CACNA1B: variants seen among roughly 807,000 people sequenced by gnomAD.
CACNA1B encodes the protein calcium voltage-gated channel subunit alpha1 B, also known as voltage-dependent N-type calcium channel subunit alpha-1B.
Under a neutral mutation model 247.2 loss-of-function variants are expected in CACNA1B, and 70 were observed. The ratio of observed to expected loss-of-function variants is 0.28; its 90% CI spans 0.23 to 0.35. CACNA1B has a LOEUF of 0.35. Among genes scored for constraint, CACNA1B ranks in the 10% least tolerant of loss-of-function variants. The pLI is 1.00. For synonymous variants in CACNA1B, 1,231 were observed against 1,294.4 expected (o/e 0.95, Z 1.05); for missense variants, 2,367 against 3,197.4 (o/e 0.74, Z 6.26).
At chr9:138,077,538 ATG>A (rs2131318898) in intron 35 of CACNA1B, among the ~76,000 whole-genome samples, 1 of 152,312 alleles carries the variant, frequency 6.6e-6, no homozygotes, top group East Asian at 1.9e-4. Flanking sequence ...AGGAGGAAGA[ATG>A]TGATCTGACC....
intron 15 of CACNA1B, among the ~76,000 whole-genome samples, chr9:138,003,715 G>T (rs1958610076): frequency 6.6e-6 from 1 of 151,492 alleles, no homozygotes; most frequent in African/African-American, 2.4e-5. Flanking sequence ...GGGTTGAAAG[G>T]CAGGGCACAG....
chr9:138,027,458 A>T (rs1958935492), intron 20 of CACNA1B, among the ~76,000 whole-genome samples: 1 of 152,160 alleles, frequency 6.6e-6, no homozygotes, highest in Admixed American at 6.5e-5. Flanking sequence ...TCTAAGTCTT[A>T]CACCACTCAT....
At chr9:137,926,095 G>T (rs1176946381) in intron 6 of CACNA1B, among the ~76,000 whole-genome samples, 2 of 131,380 alleles carry the variant, frequency 1.5e-5, no homozygotes, top group Non-Finnish European at 3.1e-5. Flanking sequence ...TTGAGACGGA[G>T]TCTCACTCTG....
At chr9:138,094,175 G>T (rs797019257) in intron 36 of CACNA1B, among the ~76,000 whole-genome samples, 2 of 152,284 alleles carry the variant, frequency 1.3e-5, no homozygotes, top group African/African-American at 4.8e-5. Context: ...GTCACAAAAG[G>T]ACAGACACTG....
chr9:137,896,811 A>T (rs568634712), intron 3 of CACNA1B, among the ~76,000 whole-genome samples: 29 of 129,546 alleles, frequency 2.2e-4, no homozygotes, highest in African/African-American at 1.1e-3. Context: ...AGTTATGTGG[A>T]TGTTCAAATG....
chr9:138,105,980 G>T (rs1253200667), intron 39 of CACNA1B, among the ~76,000 whole-genome samples, 173 bp downstream of exon 39: 1 of 152,164 alleles, frequency 6.6e-6, no homozygotes, highest in African/African-American at 2.4e-5. Context: ...TTTTTCGCCT[G>T]GTAACCGTCT....
In CACNA1B at chr9:137,878,150, C is replaced by T; in HGVS notation, c.217C>T (p.Arg73Cys). 7.6e-7 allele frequency: 1 copy of T among 1,312,392 alleles called. No homozygotes were observed. Among genetic ancestry groups the T allele is most frequent in the African/African-American group, 1.5e-5 (1 of 65,708 alleles). 81.3% of individuals were successfully genotyped at this position (1,312,392 alleles called of 1,614,324 possible). ...PVKQNCFTVNRSLFVFSEDNV... is the reference protein window; with the variant it reads ...PVKQNCFTVNCSLFVFSEDNV... ...CAAGCAGAACTGCTTCACCGTCAAC[C>T]GCTCGCTCTTCGTCTTCAGCGAGGA... The change falls in exon 1 of 47, where the codon CGC (arginine) becomes TGC (cysteine). Residue 73 changes from arginine to cysteine, a missense_variant. This residue lies in a region of CACNA1B where 130 missense variants were observed against 338.7 expected (regional missense o/e 0.38). Coordinates refer to ENST00000371372, the MANE Select transcript of CACNA1B (RefSeq NM_000718.4).
intron 20 of CACNA1B, among the ~76,000 whole-genome samples, chr9:138,036,230 C>T (rs1959042985): frequency 6.6e-6 from 1 of 152,156 alleles, no homozygotes; most frequent in African/African-American, 2.4e-5. Context: ...ACCTCCGCCT[C>T]CTGAGTTCAT....
intron 3 of CACNA1B, among the ~76,000 whole-genome samples, chr9:137,903,619 A>G (rs1284866606): frequency 6.6e-6 from 1 of 152,180 alleles, no homozygotes; most frequent in African/African-American, 2.4e-5. Flanking sequence ...TTGTAGTCCC[A>G]ATAACCCCGC....
chr9:137,986,390 A>C lies in CACNA1B; in HGVS notation c.1770-23A>C. The stretch of plus-strand genomic sequence containing the variant: ...TGAAGTCAGCGTCTGGAGCTGGCTC[A>C]GACCCCCTGCCTGGCCCCGCAGGTA... On this transcript the variant is annotated intron_variant, in intron 13 of 46. Coordinates refer to ENST00000371372, the MANE Select transcript of CACNA1B (RefSeq NM_000718.4). This position sits in a 1 kb window ranked among gnomAD's most constrained non-coding sequence, Gnocchi z 6.0. The C allele has an allele frequency of 6.2e-7, 1 of 1,612,636 alleles. No individual in the cohort carries two copies. Among genetic ancestry groups the C allele is most frequent in the Non-Finnish European group, 8.5e-7 (1 of 1,179,390 alleles).
chr9:137,981,273 C>T (rs750973356), intron 12 of CACNA1B, among the ~76,000 whole-genome samples: 1 of 152,140 alleles, frequency 6.6e-6, no homozygotes, highest in African/African-American at 2.4e-5. Flanking sequence ...TTTGCTGAGA[C>T]CTTGCCATTA....
chr9:137,995,989 T>C (rs985210136), intron 15 of CACNA1B, among the ~76,000 whole-genome samples: 3 of 152,302 alleles, frequency 2.0e-5, no homozygotes, highest in Non-Finnish European at 4.4e-5. Context: ...AGAATGCCCA[T>C]AATAAATGAA....
rs752183254 is a variant in CACNA1B, at chr9:137,957,621, A to C, written c.1267A>C (p.Lys423Gln). The change falls in exon 10 of 47, where the codon AAG becomes CAG. Residue 423 changes from lysine (K) to glutamine (Q), a missense_variant. This residue lies in a region of CACNA1B where 219 missense variants were observed against 297.6 expected (regional missense o/e 0.74). Coordinates refer to ENST00000371372, the MANE Select transcript of CACNA1B (RefSeq NM_000718.4). This position sits in a 1 kb window ranked among gnomAD's most constrained non-coding sequence, Gnocchi z 4.7. ...AGTGCTGAAGAGAGCGGCCACCAAGAAGAGCAGAAATGACCTGATCCACGC... is the reference window on the plus strand; with the variant it reads ...AGTGCTGAAGAGAGCGGCCACCAAGCAGAGCAGAAATGACCTGATCCACGC... Reference protein sequence around the residue: ...LDVLKRAATKKSRNDLIHAEE... With the variant: ...LDVLKRAATKQSRNDLIHAEE... 2 of 1,600,816 alleles carry C rather than the reference A, an allele frequency of 1.2e-6. No individual in the cohort carries two copies. Among genetic ancestry groups the C allele is most frequent in the Non-Finnish European group, 1.7e-6 (2 of 1,174,140 alleles).
At chr9:138,076,833 GGGGCGAGCTC>G (rs1960337692) in intron 35 of CACNA1B, among the ~76,000 whole-genome samples, 1 of 152,208 alleles carries the variant, frequency 6.6e-6, no homozygotes, top group Admixed American at 6.5e-5. Flanking sequence ...GATGCGCGCT[GGGGCGAGCTC>G]AGACCCAGAC....
At chr9:137,878,320 C>A in intron 1 of CACNA1B, 103 bp downstream of exon 1, 1 of 1,034,462 alleles carries the variant, frequency 9.7e-7, no homozygotes, top group African/African-American at 1.7e-5. Context: ...CCTGGGGAGG[C>A]GTCGGGAGAC....
At chr9:138,112,369 TC>T (rs1172304453) in intron 39 of CACNA1B, 28 bp from the exon 40 acceptor site, 2 of 1,546,034 alleles carry the variant, frequency 1.3e-6, no homozygotes, top group South Asian at 1.1e-5. Context: ...CTCTGTCTTT[TC>T]CCCTTCCCCA....
At chr9:138,115,447 G>A in intron 41 of CACNA1B, 105 bp from the exon 42 acceptor site, 1 of 1,258,214 alleles carries the variant, frequency 7.9e-7, no homozygotes, top group South Asian at 1.5e-5. Context: ...GGCTGGGCTT[G>A]AACATGACCT....
At chr9:137,960,218 C>T (rs1589034098) in intron 10 of CACNA1B, among the ~76,000 whole-genome samples, 1 of 16,154 alleles carries the variant, frequency 6.2e-5, no homozygotes, top group Non-Finnish European at 1.3e-4. Flanking sequence ...GAGGGAAGGT[C>T]GGCCGGAGGG....
intron 39 of CACNA1B, among the ~76,000 whole-genome samples, chr9:138,110,810 G>A (rs1171329816): frequency 6.6e-6 from 1 of 152,118 alleles, no homozygotes; most frequent in East Asian, 1.9e-4. Context: ...TCTGCTATAG[G>A]ATTAGTATTC....
Sources: gnomAD v4.1 joint callset for allele counts (sites outside exome capture counted in the v4.1 genomes callset) on GRCh38, gnomAD v4.1.1 for gene constraint, gnomAD v4.1.1 regional missense constraint, Gnocchi (gnomAD v3.1) non-coding constraint, MANE v1.5 for transcripts, NCBI Gene and HGNC (gene_info 2026-07-23, HGNC 2026-07-21) for gene names.